The following KSR1 variants were observed in gnomAD, a reference collection of about 807,000 sequenced individuals.
The protein encoded by KSR1 is kinase suppressor of ras 1, also known as kinase suppressor of ras.
A neutral mutation model predicts 92.9 loss-of-function variants in KSR1; 35 were observed. The observed-to-expected ratio is 0.38, with a 90% CI of 0.29 to 0.50. KSR1 has a LOEUF of 0.50. KSR1 is among the 20% of genes least tolerant of loss of function. KSR1 has a pLI of 0.94. For missense variants in KSR1, 972 were observed against 1,158.5 expected (o/e 0.84, Z 2.34); for synonymous variants, 467 against 472.6 (o/e 0.99, Z 0.15).
Position 27,565,108 on chromosome 17 carries a change from A to G in KSR1, c.373-12384A>G, listed in dbSNP as rs2072010471. Among the ~76,000 whole-genome samples the G allele has an allele frequency of 1.3e-5, 2 of 152,220 alleles. 1 individual carries two copies. Among genetic ancestry groups the G allele is most frequent in the South Asian group, 4.1e-4 (2 of 4,828 alleles). On this transcript the variant is annotated intron_variant, in intron 2 of 20. Coordinates refer to ENST00000644974, the MANE Select transcript of KSR1 (RefSeq NM_001394583.1). ...ATATATGTTTATTTTCAAAGTGTGT[A>G]AAGTATAGAAATTATAGAAAACAGT...
intron 17 of KSR1, chr17:27,611,278 T>C: frequency 1.7e-6 from 1 of 571,722 alleles, no homozygotes; most frequent in South Asian, 2.2e-5. Context: ...AAACCTGCGC[T>C]GTCTCAGACT....
rs1020029453 is a variant in KSR1, at chr17:27,559,699, C to T, written c.372+8991C>T. Among the ~76,000 whole-genome samples, 1 of 152,186 alleles carries T rather than the reference C, an allele frequency of 6.6e-6. No homozygotes were observed. Among genetic ancestry groups the T allele is most frequent in the Non-Finnish European group, 1.5e-5 (1 of 68,030 alleles). ...GGCTCCGGGATGGGATCTGTTGGAG[C>T]CAGTGGGCCAACTCATCCTGGGTAG... On this transcript the variant is annotated intron_variant, in intron 2 of 20. Transcript: ENST00000644974. The surrounding 1 kb of genome is among the most constrained non-coding windows in gnomAD (Gnocchi z 4.2).
chr17:27,508,709 T>TTTTTTTTTATTTA (rs1555572323), intron 1 of KSR1, among the ~76,000 whole-genome samples: 4 of 138,270 alleles, frequency 2.9e-5, no homozygotes, highest in Admixed American at 1.5e-4. Context: ...CCTGAATTTT[T>TTTTTTTTTATTTA]TTTATTTATT....
At chr17:27,481,163 G>GT (rs200231593) in intron 1 of KSR1, among the ~76,000 whole-genome samples, 70 of 151,542 alleles carry the variant, frequency 4.6e-4, no homozygotes, top group African/African-American at 1.4e-3. Flanking sequence ...ACTTCAGGTA[G>GT]TTTTTTTTTC....
intron 4 of KSR1, among the ~76,000 whole-genome samples, chr17:27,584,417 G>C (rs1057495905): frequency 6.6e-6 from 1 of 152,160 alleles, no homozygotes; most frequent in Non-Finnish European, 1.5e-5. Flanking sequence ...AGGTGTCACC[G>C]ACCCTGCTGC....
chr17:27,576,430 CAA>C (rs1478863607), intron 2 of KSR1, among the ~76,000 whole-genome samples: 1 of 152,166 alleles, frequency 6.6e-6, no homozygotes, highest in African/African-American at 2.4e-5. Context: ...GCAATTATAA[CAA>C]TACACTATAA....
At chr17:27,479,365 A>C (rs1190817364) in intron 1 of KSR1, among the ~76,000 whole-genome samples, 1 of 152,126 alleles carries the variant, frequency 6.6e-6, no homozygotes, top group Non-Finnish European at 1.5e-5. Flanking sequence ...TGCCAATCTT[A>C]TGTGAGTTCA....
At chr17:27,596,303 CCTT>C (rs2073343589) in intron 9 of KSR1, among the ~76,000 whole-genome samples, 2 of 152,200 alleles carry the variant, frequency 1.3e-5, no homozygotes, top group Admixed American at 6.5e-5. Context: ...CAGGCCGAGG[CCTT>C]CTCTCAGGCA....
At position 27,550,804 on chromosome 17, in the gene KSR1, T is replaced by G. The variant is rs201614097; in HGVS notation, c.372+96T>G. On this transcript the variant is annotated intron_variant, in intron 2 of 20. Transcript: ENST00000644974. ...GGGCTAGCTTCCCCGTGGCTAAGAC[T>G]AAGGGTTGATGCTCTCTAGTCTTGA... 1.2e-4 allele frequency: 82 copies of G among 671,582 alleles called. No individual in the cohort carries two copies. In the East Asian group the frequency reaches 2.1e-3, roughly 17 times the overall value. 41.6% of individuals were successfully genotyped at this position (671,582 alleles called of 1,614,324 possible).
Position 27,559,507 on chromosome 17 carries a change from T to TC in KSR1, c.372+8800dup, listed in dbSNP as rs1458705147. Among the ~76,000 whole-genome samples, 1 of 152,202 alleles carries TC rather than the reference T, an allele frequency of 6.6e-6. No homozygotes were observed. Among genetic ancestry groups the TC allele is most frequent in the Non-Finnish European group, 1.5e-5 (1 of 68,038 alleles). The stretch of plus-strand genomic sequence containing the variant: ...TATAGTGCAGCTGAGAAACTGAAAT[T>TC]CGTGTTTTGTTTTATCGTAATGAAT... On this transcript the variant is annotated intron_variant, in intron 2 of 20. Transcript: ENST00000644974. The surrounding 1 kb of genome is among the most constrained non-coding windows in gnomAD (Gnocchi z 4.2).
chr17:27,493,933 G>A (rs2068900536), intron 1 of KSR1, among the ~76,000 whole-genome samples: 1 of 152,250 alleles, frequency 6.6e-6, no homozygotes, highest in African/African-American at 2.4e-5. Flanking sequence ...GGCACCTGAG[G>A]CTCCCATTTT....
At chr17:27,501,791 A>T (rs2069199890) in intron 1 of KSR1, among the ~76,000 whole-genome samples, 2 of 152,204 alleles carry the variant, frequency 1.3e-5, no homozygotes, top group Admixed American at 1.3e-4. Context: ...GAGCCGCTGC[A>T]CCCAGCTTGT....
intron 1 of KSR1, among the ~76,000 whole-genome samples, chr17:27,513,705 T>C (rs2069685514): frequency 6.6e-6 from 1 of 152,220 alleles, no homozygotes; most frequent in Non-Finnish European, 1.5e-5. Flanking sequence ...TTCCAGGTGT[T>C]GTGAGGAATT....
intron 1 of KSR1, among the ~76,000 whole-genome samples, chr17:27,507,388 A>G (rs896134313): frequency 9.2e-5 from 14 of 151,984 alleles, no homozygotes; most frequent in African/African-American, 3.1e-4. Context: ...AGCCAAGATC[A>G]TGCCACTGCA....
chr17:27,594,579 C>T (rs978331053), intron 9 of KSR1, among the ~76,000 whole-genome samples: 8 of 152,140 alleles, frequency 5.3e-5, no homozygotes, highest in African/African-American at 1.9e-4. Context: ...AGTGGTGGTG[C>T]CAGAGGCCTC....
chr17:27,500,697 A>G (rs948954979), intron 1 of KSR1, among the ~76,000 whole-genome samples: 7 of 152,232 alleles, frequency 4.6e-5, no homozygotes, highest in Non-Finnish European at 8.8e-5. Context: ...ATTGGAAGAG[A>G]TGTTGACAAA....
At chr17:27,618,896 A>G (rs1276288989) in intron 19 of KSR1, among the ~76,000 whole-genome samples, 1 of 152,190 alleles carries the variant, frequency 6.6e-6, no homozygotes, top group Non-Finnish European at 1.5e-5. Context: ...AGGTCTCACT[A>G]TGTTGCCCAG....
At chr17:27,527,643 C>T (rs2070366993) in intron 1 of KSR1, among the ~76,000 whole-genome samples, 2 of 152,132 alleles carry the variant, frequency 1.3e-5, no homozygotes, top group South Asian at 2.1e-4. Flanking sequence ...GATCCACCCA[C>T]CTTGGCCTCG....
At chr17:27,464,440 C>T (rs1421516453) in intron 1 of KSR1, among the ~76,000 whole-genome samples, 1 of 152,150 alleles carries the variant, frequency 6.6e-6, no homozygotes, top group Admixed American at 6.5e-5. Context: ...TTGTGTTTGT[C>T]TTAAAAGTTC....
Sources: allele counts gnomAD v4.1 joint callset (sites outside exome capture counted in the v4.1 genomes callset), GRCh38; gene constraint gnomAD v4.1.1; non-coding constraint Gnocchi (gnomAD v3.1); transcripts MANE v1.5; gene names NCBI Gene and HGNC (gene_info 2026-07-23, HGNC 2026-07-21).